GNB2: variants seen among roughly 807,000 people sequenced by gnomAD.
GNB2 encodes guanine nucleotide-binding protein G(I)/G(S)/G(T) subunit beta-2.
A neutral mutation model predicts 40.7 loss-of-function variants in GNB2; 7 were observed. The ratio of observed to expected loss-of-function variants is 0.17; its 90% CI spans 0.10 to 0.32. The LOEUF (loss-of-function observed/expected upper bound fraction) is 0.32, where lower values mean the gene tolerates loss of function less well. Ranked by LOEUF, GNB2 falls within the 10% of genes least tolerant of loss-of-function variation. The pLI is 1.00. For synonymous variants in GNB2, 254 were observed against 191.2 expected, an observed-to-expected ratio of 1.33 and a Z score of -2.71; for missense variants, 286 against 473.0, an observed-to-expected ratio of 0.60 and a Z score of 3.67.
Position 100,676,239 on chromosome 7 carries a change from C to G in GNB2, c.-27C>G. 1 of 1,558,138 alleles carries G rather than the reference C, an allele frequency of 6.4e-7. No homozygotes were observed. The highest frequency in any genetic ancestry group is 8.7e-7 in the Non-Finnish European group (1 of 1,144,988). On this transcript the variant is annotated 5_prime_UTR_variant, in exon 2 of 10. Coordinates refer to ENST00000303210, the MANE Select transcript of GNB2 (RefSeq NM_005273.4). Reference sequence around the variant, plus strand: ...CCCGTCCCGCGGCCCCCAGCCGCCCCCAACCCTGCCCCACGGGCCCGGCGC... The same window carrying G: ...CCCGTCCCGCGGCCCCCAGCCGCCCGCAACCCTGCCCCACGGGCCCGGCGC...
chr7:100,676,605 G>A (rs1479886336), intron 3 of GNB2, 32 bp downstream of exon 3: 125 of 1,583,394 alleles, frequency 7.9e-5, no homozygotes, highest in Non-Finnish European at 1.1e-4. Context: ...AGCGTAACTA[G>A]GGGTTGAAGG....
chr7:100,675,975 G>T, intron 1 of GNB2: 1 of 418,852 alleles, frequency 2.4e-6, no homozygotes, highest in Non-Finnish European at 4.2e-6. Flanking sequence ...CTCCGTTTCC[G>T]GGGGGCGGGA....
At chr7:100,674,863 G>A (rs1804315967) in intron 1 of GNB2, among the ~76,000 whole-genome samples, 1 of 152,250 alleles carries the variant, frequency 6.6e-6, no homozygotes, top group East Asian at 1.9e-4. Context: ...GTAGGTGGAA[G>A]AGGCTTTGTG....
chr7:100,674,846 G>T (rs1011530828), intron 1 of GNB2, among the ~76,000 whole-genome samples: 2 of 152,226 alleles, frequency 1.3e-5, no homozygotes, highest in African/African-American at 4.8e-5. Context: ...CCAGGCCTGG[G>T]CTGCTAGTAG....
chr7:100,676,818 G>T lies in GNB2; in HGVS notation c.203+19G>T. On this transcript the variant is annotated intron_variant, in intron 4 of 9. Coordinates refer to ENST00000303210, the MANE Select transcript of GNB2 (RefSeq NM_005273.4). ...ACTCAAGGTGTGTGTGTGTGCGCGG[G>T]CTGGCGCTGTGGGCCGACTTTCTAG... The T allele has an allele frequency of 1.4e-6, 2 of 1,443,548 alleles. No homozygotes were observed. The highest frequency in any genetic ancestry group is 1.4e-5 in the African/African-American group (1 of 71,062). 89.4% of individuals were successfully genotyped at this position (1,443,548 alleles called of 1,614,324 possible). A position where few individuals can be genotyped will look rare whatever the true frequency, so the allele number is the denominator to read the frequency against.
rs1584480544 is a variant in GNB2 at position 100,678,920 on chromosome 7, C to T, written c.*119C>T. 1.4e-6 allele frequency: 1 copy of T among 736,374 alleles called. No homozygotes were observed. Among genetic ancestry groups the T allele is most frequent in the East Asian group, 2.7e-5 (1 of 36,966 alleles). 45.6% of individuals were successfully genotyped at this position (736,374 alleles called of 1,614,324 possible). On this transcript the variant is annotated 3_prime_UTR_variant, in exon 10 of 10. Coordinates refer to ENST00000303210, the MANE Select transcript of GNB2 (RefSeq NM_005273.4). ...TTCCCCGGGCCACGGGGCCTTGGGT[C>T]CCTGCCCTCCCACCCAGGTTTGGTT...
chr7:100,677,270 C>T (rs1310442314), intron 4 of GNB2, 82 bp from the exon 5 acceptor site: 1 of 1,108,230 alleles, frequency 9.0e-7, no homozygotes, highest in Admixed American at 1.8e-5. Context: ...GAGAGAGACC[C>T]TACCTTCTCC....
At chr7:100,676,397 T>G (rs1804347757) in intron 2 of GNB2, 75 bp downstream of exon 2, 2 of 1,298,414 alleles carry the variant, frequency 1.5e-6, no homozygotes, top group Non-Finnish European at 2.2e-6. Flanking sequence ...GTGAGGGTGT[T>G]GGTGGGGGAA....
chr7:100,678,621 G>T lies in GNB2; in HGVS notation c.916+7G>T, dbSNP rs1804417697. On this transcript the variant is annotated splice_region_variant and intron_variant, in intron 9 of 9. Coordinates refer to ENST00000303210, the MANE Select transcript of GNB2 (RefSeq NM_005273.4). ...ATGAAGGGCGACCGTGCAGGTGACA[G>T]CTGGGGCCCAGGCTGGGTGGGCAGG... 6.2e-7 allele frequency: 1 copy of T among 1,612,056 alleles called. No homozygotes were observed.
rs1423591839 is a variant in GNB2, at chr7:100,678,218, C to T, written c.618C>T (p.Ala206=). ...GRTFVSGACD[A]SIKLWDVRDS... is the part of the protein sequence containing the mutation. The stretch of plus-strand genomic sequence containing the variant: ...CGTTTGTGTCAGGCGCCTGTGATGC[C>T]TCTATCAAGCTGTGGGACGTGCGGG... Residue 206 remains alanine, a synonymous_variant, in exon 8 of 10, where the codon GCC becomes GCT. Coordinates refer to ENST00000303210, the MANE Select transcript of GNB2 (RefSeq NM_005273.4). The T allele has an allele frequency of 1.2e-6, 2 of 1,614,040 alleles. No individual in the cohort carries two copies. Among genetic ancestry groups the T allele is most frequent in the South Asian group, 2.2e-5 (2 of 91,086 alleles).
At chr7:100,677,279 C>G (rs755531036) in intron 4 of GNB2, 73 bp from the exon 5 acceptor site, 15 of 1,219,728 alleles carry the variant, frequency 1.2e-5, no homozygotes, top group Non-Finnish European at 1.7e-5. Context: ...CCTACCTTCT[C>G]CCACCCAAAG....
At chr7:100,676,646 G>C (rs748960110) in intron 3 of GNB2, 47 bp from the exon 4 acceptor site, 8 of 1,550,588 alleles carry the variant, frequency 5.2e-6, no homozygotes, top group South Asian at 1.1e-5. Context: ...GCCCTCTGCA[G>C]TCCTGCTGCC....
intron 7 of GNB2, 110 bp from the exon 8 acceptor site, chr7:100,677,988 C>T (rs1451478404): frequency 7.5e-6 from 8 of 1,066,942 alleles, no homozygotes; most frequent in South Asian, 1.4e-5. Flanking sequence ...CTGAGAAGAG[C>T]CTCCCTGGAC....
chr7:100,674,229 C>T (rs1330366740), intron 1 of GNB2, among the ~76,000 whole-genome samples: 2 of 151,828 alleles, frequency 1.3e-5, no homozygotes, highest in African/African-American at 2.4e-5. Context: ...CGGGCTTCCT[C>T]TAGGCCCCGC....
Position 100,677,412 on chromosome 7 carries a change from C to T in GNB2, c.264C>T (p.Asn88=), listed in dbSNP as rs747183799. 1.9e-6 allele frequency: 3 copies of T among 1,613,616 alleles called. No individual in the cohort carries two copies. Among genetic ancestry groups the T allele is most frequent in the African/African-American group, 1.3e-5 (1 of 75,058 alleles). ...TCATCTGGGACAGCTACACCACCAA[C>T]AAGGTAGGGTGGCGCGGGCTGCGGG... is the stretch of plus-strand genomic sequence containing the variant. ...KLIIWDSYTT[N]KVHAIPLRSS... The change falls in exon 5 of 10, where the codon AAC becomes AAT. Residue 88 remains asparagine (N), a synonymous_variant. Coordinates refer to ENST00000303210, the MANE Select transcript of GNB2 (RefSeq NM_005273.4).
In GNB2 at chr7:100,676,340, G is replaced by A. The variant is rs751598038; in HGVS notation, c.57+18G>A. On this transcript the variant is annotated intron_variant, in intron 2 of 9. Transcript: ENST00000303210. Reference sequence around the variant, plus strand: ...AGATCCGGGTGAGGGCCTGGTGCGGGGCGGGCGATTCATGTGTACACCGCC... The same window carrying A: ...AGATCCGGGTGAGGGCCTGGTGCGGAGCGGGCGATTCATGTGTACACCGCC... The A allele has an allele frequency of 6.3e-7, 1 of 1,594,892 alleles. No homozygotes were observed. The highest frequency in any genetic ancestry group is 1.1e-5 in the South Asian group (1 of 88,874).
chr7:100,677,893 A>G, intron 7 of GNB2, 75 bp downstream of exon 7: 3 of 1,321,824 alleles, frequency 2.3e-6, no homozygotes, highest in Non-Finnish European at 3.2e-6. Context: ...CCCAGTGCTC[A>G]ACATGCAGCA....
chr7:100,677,981 A>G, intron 7 of GNB2, 117 bp from the exon 8 acceptor site: 1 of 1,040,504 alleles, frequency 9.6e-7, no homozygotes, highest in Non-Finnish European at 1.5e-6. Context: ...TAAGGCTCTG[A>G]GAAGAGCCTC....
intron 4 of GNB2, 74 bp from the exon 5 acceptor site, chr7:100,677,278 T>A (rs2131350421): frequency 8.4e-7 from 1 of 1,194,772 alleles, no homozygotes; most frequent in Middle Eastern, 2.0e-4. Flanking sequence ...CCCTACCTTC[T>A]CCCACCCAAA....
Sources: allele counts gnomAD v4.1 joint callset (sites outside exome capture counted in the v4.1 genomes callset), GRCh38; gene constraint gnomAD v4.1.1; transcripts MANE v1.5; gene names NCBI Gene and HGNC (gene_info 2026-07-23, HGNC 2026-07-21).